PHF14: variants seen among roughly 807,000 people sequenced by gnomAD.
The protein encoded by PHF14 is PHD finger protein 14.
PHF14 carries 55 observed loss-of-function variants against 117.9 expected under a neutral mutation model. That is an observed-to-expected ratio of 0.47 (90% CI 0.38 to 0.58). The LOEUF (loss-of-function observed/expected upper bound fraction) is 0.58. PHF14 is among the 20% of genes least tolerant of loss of function. The pLI, the probability that PHF14 is intolerant of heterozygous loss-of-function variation, is 0.00. For synonymous variants in PHF14, 409 were observed against 368.6 expected (o/e 1.11, Z -1.26); for missense variants, 978 against 1,122.2 (o/e 0.87, Z 1.84).
At chr7:11,027,652 CTG>C (rs1783971669) in intron 6 of PHF14, among the ~76,000 whole-genome samples, 1 of 152,044 alleles carries the variant, frequency 6.6e-6, no homozygotes, top group African/African-American at 2.4e-5. Flanking sequence ...ACATAATTGA[CTG>C]TGTTGTATAT....
intron 16 of PHF14, among the ~76,000 whole-genome samples, chr7:11,073,518 C>T (rs896442032): frequency 3.9e-4 from 59 of 152,348 alleles, no homozygotes; most frequent in African/African-American, 1.3e-3. Flanking sequence ...CAGGATTCAG[C>T]CCCCTTGGCT....
chr7:11,157,058 A>T lies in PHF14; in HGVS notation c.2773-12358A>T, dbSNP rs561866288. ...TCAGTTATCTTTATCACCTCCATGT[A>T]TACCTGATGCACTTTATTATATACT... On this transcript the variant is annotated intron_variant, in intron 17 of 17. Coordinates refer to ENST00000634607, the MANE Select transcript of PHF14 (RefSeq NM_001007157.2). Among the ~76,000 whole-genome samples the T allele has an allele frequency of 7.4e-4, 112 of 152,248 alleles. 1 individual carries two copies. The highest frequency in any genetic ancestry group is 2.4e-3 in the African/African-American group (98 of 41,560).
intron 16 of PHF14, chr7:11,062,810 G>A (rs1043769376): frequency 7.7e-5 from 76 of 985,166 alleles, no homozygotes; most frequent in Non-Finnish European, 8.9e-5. Flanking sequence ...AACAAAAAGA[G>A]AGCTAATTTA....
chr7:10,986,148 A>AT (rs111598592), intron 3 of PHF14, among the ~76,000 whole-genome samples: 2,527 of 128,984 alleles, frequency 0.02, 31 homozygotes, highest in Middle Eastern at 0.044. Context: ...TTTATTTTTG[A>AT]TTTTTTTTTT....
intron 4 of PHF14, chr7:11,006,385 C>T (rs1052816969): frequency 7.9e-6 from 4 of 507,254 alleles, no homozygotes; most frequent in Admixed American, 6.2e-5. Flanking sequence ...TAGAATTAGC[C>T]AGCTGGACTC....
intron 16 of PHF14, among the ~76,000 whole-genome samples, chr7:11,093,307 T>C (rs1263299543): frequency 6.6e-6 from 1 of 152,220 alleles, no homozygotes; most frequent in Non-Finnish European, 1.5e-5. Flanking sequence ...GATTGAATGT[T>C]GGACATCATG....
intron 17 of PHF14, among the ~76,000 whole-genome samples, chr7:11,112,844 T>A (rs1444898752): frequency 6.6e-6 from 1 of 152,112 alleles, no homozygotes; most frequent in Admixed American, 6.6e-5. Flanking sequence ...TATTTAATAA[T>A]CAAGCATTTT....
intron 4 of PHF14, among the ~76,000 whole-genome samples, chr7:10,996,116 A>G (rs563308212): frequency 1.9e-3 from 290 of 152,352 alleles, no homozygotes; most frequent in Non-Finnish European, 3.1e-3. Flanking sequence ...AAGCCATAAC[A>G]TGGCTTTTCA....
Position 11,102,375 on chromosome 7 carries a change from C to T in PHF14, c.2655-8975C>T, listed in dbSNP as rs546354098. 2.7e-5 allele frequency: 30 copies of T among 1,125,332 alleles called. No individual in the cohort carries two copies. In the African/African-American group the frequency reaches 4.5e-4, roughly 17 times the overall value. 69.7% of individuals were successfully genotyped at this position (1,125,332 alleles called of 1,614,324 possible). ...GAGTATCTATCTCTTTGGACCAGATCATATGTTATTTGAATCTACTGTGGT... is the reference window on the plus strand; with the variant it reads ...GAGTATCTATCTCTTTGGACCAGATTATATGTTATTTGAATCTACTGTGGT... On this transcript the variant is annotated intron_variant, in intron 16 of 17. Coordinates refer to ENST00000634607, the MANE Select transcript of PHF14 (RefSeq NM_001007157.2).
In PHF14 at chr7:11,130,020, AT is replaced by A. The variant is rs954297507; in HGVS notation, c.2772+18558del. Among the ~76,000 whole-genome samples, 2 of 152,008 alleles carry A rather than the reference AT, an allele frequency of 1.3e-5. No individual in the cohort carries two copies. The highest frequency in any genetic ancestry group is 2.9e-5 in the Non-Finnish European group (2 of 67,960). On this transcript the variant is annotated intron_variant, in intron 17 of 17. Transcript: ENST00000634607. The surrounding 1 kb of genome is among the most constrained non-coding windows in gnomAD (Gnocchi z 4.2). ...TATGCAGCAAAAAAAAGAATCCCAA[AT>A]TTTTAGTTGATTAATATAAGTTGAT...
chr7:11,092,210 CTTT>C (rs1376821429), intron 16 of PHF14, among the ~76,000 whole-genome samples: 1 of 152,030 alleles, frequency 6.6e-6, no homozygotes, highest in Non-Finnish European at 1.5e-5. Flanking sequence ...GCTTCTATTC[CTTT>C]TTCTTTGTGG....
chr7:11,003,374 C>T (rs372726769), intron 4 of PHF14, among the ~76,000 whole-genome samples: 10 of 152,304 alleles, frequency 6.6e-5, no homozygotes, highest in East Asian at 3.9e-4. Flanking sequence ...ACCCAGATTC[C>T]TCTTGTTCCA....
intron 16 of PHF14, among the ~76,000 whole-genome samples, chr7:11,088,801 A>G (rs1490843374): frequency 6.6e-6 from 1 of 152,204 alleles, no homozygotes; most frequent in Non-Finnish European, 1.5e-5. Flanking sequence ...GTGATAAACT[A>G]TAACAAATCA....
At chr7:11,070,441 G>C (rs1785577814) in intron 16 of PHF14, among the ~76,000 whole-genome samples, 1 of 152,120 alleles carries the variant, frequency 6.6e-6, no homozygotes, top group Admixed American at 6.5e-5. Context: ...TTTCTTATAT[G>C]TCAGCACCAT....
chr7:11,057,576 G>C (rs918026737), intron 14 of PHF14, among the ~76,000 whole-genome samples: 4 of 152,058 alleles, frequency 2.6e-5, no homozygotes, highest in Admixed American at 6.6e-5. Context: ...ATTTCGCCAT[G>C]TTGGCCAGGC....
intron 17 of PHF14, among the ~76,000 whole-genome samples, chr7:11,162,776 C>A (rs1789084343): frequency 6.7e-6 from 1 of 150,160 alleles, no homozygotes; most frequent in Non-Finnish European, 1.5e-5. Flanking sequence ...ACCTCCGCTT[C>A]CTGGGTTCAA....
intron 16 of PHF14, chr7:11,107,200 T>C (rs1346633625): frequency 2.0e-6 from 2 of 984,440 alleles, no homozygotes; most frequent in East Asian, 1.1e-4. Flanking sequence ...TTTACTTGTT[T>C]GCATATTCTC....
intron 16 of PHF14, among the ~76,000 whole-genome samples, chr7:11,082,756 T>C (rs935541176): frequency 6.6e-6 from 1 of 152,224 alleles, no homozygotes; most frequent in Non-Finnish European, 1.5e-5. Flanking sequence ...GTCAGGAGCC[T>C]CTCTTTAGTC....
intron 2 of PHF14, among the ~76,000 whole-genome samples, chr7:10,979,553 CT>C (rs202055293): frequency 0.015 from 2,039 of 131,730 alleles, 30 homozygotes; most frequent in East Asian, 0.093. Flanking sequence ...CTTTCTCTCT[CT>C]TTTTTTTTTT....
Sources: gnomAD v4.1 joint callset for allele counts (sites outside exome capture counted in the v4.1 genomes callset) on GRCh38, gnomAD v4.1.1 for gene constraint, Gnocchi (gnomAD v3.1) non-coding constraint, MANE v1.5 for transcripts, NCBI Gene and HGNC (gene_info 2026-07-23, HGNC 2026-07-21) for gene names.